CCDC60: variants seen among roughly 807,000 people sequenced by gnomAD.
The protein encoded by CCDC60 is coiled-coil domain containing 60.
CCDC60 carries 54 observed loss-of-function variants against 63.5 expected under a neutral mutation model. That is an observed-to-expected ratio of 0.85 (90% CI 0.68 to 1.07). The LOEUF (loss-of-function observed/expected upper bound fraction) is 1.07, where lower values mean the gene tolerates loss of function less well. Ranked by LOEUF, CCDC60 falls within the 50% of genes least tolerant of loss-of-function variation. CCDC60 has a pLI of 0.00. For missense variants in CCDC60, 651 were observed against 684.3 expected (o/e 0.95, Z 0.54); for synonymous variants, 206 against 238.8 (o/e 0.86, Z 1.27).
intron 4 of CCDC60, among the ~76,000 whole-genome samples, chr12:119,486,440 AG>A (rs1951441313): frequency 6.6e-6 from 1 of 152,186 alleles, no homozygotes; most frequent in Non-Finnish European, 1.5e-5. Flanking sequence ...CTGGAAACTG[AG>A]GCAGGAGGAT....
intron 2 of CCDC60, among the ~76,000 whole-genome samples, chr12:119,455,345 G>A (rs1449341290): frequency 6.6e-6 from 1 of 152,196 alleles, no homozygotes; most frequent in African/African-American, 2.4e-5. Flanking sequence ...CAGTAAGAAA[G>A]GCAGACAAGT....
At chr12:119,338,728 T>C (rs1767943921) in intron 1 of CCDC60, among the ~76,000 whole-genome samples, 1 of 152,106 alleles carries the variant, frequency 6.6e-6, no homozygotes, top group African/African-American at 2.4e-5. Context: ...CACCTAAAAG[T>C]AGAATCACAA....
intron 11 of CCDC60, among the ~76,000 whole-genome samples, chr12:119,524,965 T>C (rs575906482): frequency 6.6e-6 from 1 of 152,144 alleles, no homozygotes; most frequent in Non-Finnish European, 1.5e-5. Flanking sequence ...CACACACAGC[T>C]GGAAACAATA....
At chr12:119,430,990 C>G (rs953746663) in intron 2 of CCDC60, among the ~76,000 whole-genome samples, 2 of 152,184 alleles carry the variant, frequency 1.3e-5, no homozygotes, top group African/African-American at 4.8e-5. Context: ...AGCTCAAAGG[C>G]AGCATTTGAA....
At chr12:119,458,077 C>T (rs74541136) in intron 2 of CCDC60, among the ~76,000 whole-genome samples, 18 of 152,122 alleles carry the variant, frequency 1.2e-4, no homozygotes, top group Admixed American at 5.9e-4. Flanking sequence ...TCTCTTCCTC[C>T]GAAATCAATA....
chr12:119,418,152 T>C (rs948027097), intron 1 of CCDC60, among the ~76,000 whole-genome samples: 3 of 152,108 alleles, frequency 2.0e-5, no homozygotes, highest in African/African-American at 4.8e-5. Context: ...TGTATGTATG[T>C]ATGCATACAT....
intron 5 of CCDC60, among the ~76,000 whole-genome samples, chr12:119,490,091 C>T (rs909833290): frequency 9.9e-5 from 15 of 152,272 alleles, no homozygotes; most frequent in Non-Finnish European, 1.8e-4. Context: ...CCACCGCGCC[C>T]GGCCAAACGT....
intron 5 of CCDC60, among the ~76,000 whole-genome samples, chr12:119,491,468 A>C (rs903852717): frequency 6.6e-6 from 1 of 152,136 alleles, no homozygotes; most frequent in Non-Finnish European, 1.5e-5. Context: ...AGCTGGGACT[A>C]CAGGTGCCCG....
intron 2 of CCDC60, among the ~76,000 whole-genome samples, chr12:119,439,498 T>C (rs985511095): frequency 2.0e-5 from 3 of 152,208 alleles, no homozygotes; most frequent in African/African-American, 4.8e-5. Flanking sequence ...TTGTCCCTCT[T>C]TTATCATTTT....
At chr12:119,392,130 G>A (rs904052386) in intron 1 of CCDC60, among the ~76,000 whole-genome samples, 38 of 152,318 alleles carry the variant, frequency 2.5e-4, no homozygotes, top group African/African-American at 8.4e-4. Context: ...GTGTCCTGTG[G>A]AGTTCAGATG....
At chr12:119,482,429 T>G (rs1224010804) in intron 4 of CCDC60, among the ~76,000 whole-genome samples, 1 of 152,160 alleles carries the variant, frequency 6.6e-6, no homozygotes, top group Non-Finnish European at 1.5e-5. Context: ...AGTAAAAATT[T>G]TAGGCTTTGC....
chr12:119,496,159 T>C (rs973123690), intron 5 of CCDC60, among the ~76,000 whole-genome samples: 1 of 152,166 alleles, frequency 6.6e-6, no homozygotes, highest in Non-Finnish European at 1.5e-5. Flanking sequence ...GCCCCCGCCC[T>C]GCTGCAGAAT....
intron 1 of CCDC60, among the ~76,000 whole-genome samples, chr12:119,363,751 G>A (rs1367457411): frequency 3.3e-5 from 5 of 152,132 alleles, no homozygotes; most frequent in Admixed American, 3.3e-4. Context: ...ACCTGCTGGT[G>A]GTGAGGAATT....
intron 7 of CCDC60, among the ~76,000 whole-genome samples, chr12:119,514,321 C>T (rs1244616621): frequency 6.6e-6 from 1 of 150,772 alleles, no homozygotes; most frequent in South Asian, 2.1e-4. Context: ...GGATTACAGG[C>T]ACCTGCCACC....
chr12:119,374,048 A>G (rs959481207), intron 1 of CCDC60, among the ~76,000 whole-genome samples: 1 of 151,856 alleles, frequency 6.6e-6, no homozygotes, highest in African/African-American at 2.4e-5. Context: ...GAGTAGTAGG[A>G]AGCCAACTTG....
At chr12:119,350,099 G>A (rs1393014605) in intron 1 of CCDC60, among the ~76,000 whole-genome samples, 3 of 152,186 alleles carry the variant, frequency 2.0e-5, no homozygotes, top group African/African-American at 7.2e-5. Flanking sequence ...TTTCAGGCAG[G>A]CCACCCAGGA....
intron 1 of CCDC60, among the ~76,000 whole-genome samples, chr12:119,425,597 C>T (rs1000701105): frequency 3.9e-5 from 6 of 152,130 alleles, no homozygotes; most frequent in Admixed American, 6.5e-5. Context: ...AACAAGGCAC[C>T]GTGGAACGAG....
chr12:119,409,881 T>C (rs540675327), intron 1 of CCDC60, among the ~76,000 whole-genome samples: 6 of 151,000 alleles, frequency 4.0e-5, no homozygotes, highest in African/African-American at 1.5e-4. Flanking sequence ...CTCTCTGCCC[T>C]CTTTTCCCAC....
chr12:119,342,467 C>T (rs1955542731), intron 1 of CCDC60, among the ~76,000 whole-genome samples: 1 of 152,188 alleles, frequency 6.6e-6, no homozygotes, highest in South Asian at 2.1e-4. Context: ...TCAGCAGTGA[C>T]TTGCACAAAT....
Sources: gnomAD v4.1 joint callset for allele counts (sites outside exome capture counted in the v4.1 genomes callset) on GRCh38, gnomAD v4.1.1 for gene constraint, MANE v1.5 for transcripts, NCBI Gene and HGNC (gene_info 2026-07-23, HGNC 2026-07-21) for gene names.